Variants in SPTY2D1 observed in about 807,000 individuals in gnomAD.
SPTY2D1 encodes the protein SPT2 chromatin protein domain containing 1.
In SPTY2D1, 21 loss-of-function variants were observed where a neutral mutation model predicts 64.0. The observed-to-expected ratio is 0.33, with a 90% CI of 0.23 to 0.47. The LOEUF (loss-of-function observed/expected upper bound fraction) is 0.47, where lower values mean the gene tolerates loss of function less well. Ranked by LOEUF, SPTY2D1 falls within the 20% of genes least tolerant of loss-of-function variation. SPTY2D1 has a pLI of 1.00. For missense variants in SPTY2D1, 724 were observed against 837.2 expected (o/e 0.86, Z 1.67); for synonymous variants, 287 against 286.8 (o/e 1.00, Z -0.01).
chr11:18,632,703 T>A (rs920096410), intron 1 of SPTY2D1, among the ~76,000 whole-genome samples: 1 of 152,224 alleles, frequency 6.6e-6, no homozygotes, highest in Non-Finnish European at 1.5e-5. Flanking sequence ...ATTCCAATCA[T>A]AGATAATGCA....
rs539699189 is a variant in SPTY2D1 at position 18,622,726 on chromosome 11, C to T, written c.61-5737G>A. 7.2e-5 allele frequency among the ~76,000 whole-genome samples: 11 copies of T among 152,084 alleles called. No homozygotes were observed. In the South Asian group the frequency reaches 2.1e-3, roughly 29 times the overall value. On this transcript the variant is annotated intron_variant, in intron 1 of 5. Transcript: ENST00000336349. ...CTGCACTTCGGGAGGCTGAGGCGGG[C>T]AGATCACCTGAGGTCAGGAGTTCGA... is the stretch of plus-strand genomic sequence containing the variant.
intron 1 of SPTY2D1, among the ~76,000 whole-genome samples, chr11:18,631,602 CAAA>C (rs10617150): frequency 2.8e-4 from 32 of 116,324 alleles, no homozygotes; most frequent in African/African-American, 9.6e-4. Context: ...AAATAGATAA[CAAA>C]AAAAAAAAAA....
intron 5 of SPTY2D1, 60 bp from the exon 6 acceptor site, chr11:18,610,014 A>G: frequency 6.8e-7 from 1 of 1,474,856 alleles, no homozygotes; most frequent in Non-Finnish European, 9.4e-7. Context: ...CTTTCCTTAA[A>G]AAGAATGAAA....
intron 1 of SPTY2D1, among the ~76,000 whole-genome samples, chr11:18,633,823 T>C (rs1854625568): frequency 6.6e-6 from 1 of 152,142 alleles, no homozygotes; most frequent in Admixed American, 6.5e-5. Context: ...CTCCCTTACA[T>C]ACATATTTCC....
rs1389523777 is a variant in SPTY2D1 at position 18,612,230 on chromosome 11, C to T, written c.1886+84G>A. On this transcript the variant is annotated intron_variant, in intron 4 of 5. Coordinates refer to ENST00000336349, the MANE Select transcript of SPTY2D1 (RefSeq NM_194285.3). This position sits in a 1 kb window ranked among gnomAD's most constrained non-coding sequence, Gnocchi z 4.6. ...AATTAAGAATTGTATTCAGTGCCTC[C>T]ACTATTAGTTTATTACCCCATGACA... The T allele has an allele frequency of 1.3e-5, 14 of 1,095,600 alleles. No homozygotes were observed. Among genetic ancestry groups the T allele is most frequent in the Non-Finnish European group, 1.8e-5 (14 of 784,180 alleles). 67.9% of individuals were successfully genotyped at this position (1,095,600 alleles called of 1,614,324 possible).
chr11:18,613,609 G>A (rs1300819833), intron 3 of SPTY2D1, among the ~76,000 whole-genome samples: 1 of 152,158 alleles, frequency 6.6e-6, no homozygotes, highest in Admixed American at 6.5e-5. Flanking sequence ...GGGCAAAATT[G>A]CCCTTGTTAA....
At chr11:18,629,971 C>T (rs1369111095) in intron 1 of SPTY2D1, among the ~76,000 whole-genome samples, 2 of 151,296 alleles carry the variant, frequency 1.3e-5, no homozygotes, top group East Asian at 3.9e-4. Context: ...GAGATCGAGA[C>T]CATCCTGGCC....
At chr11:18,633,142 C>CT (rs5790043) in intron 1 of SPTY2D1, among the ~76,000 whole-genome samples, 84,930 of 151,752 alleles carry the variant, frequency 0.56, 27,713 homozygotes, top group Middle Eastern at 0.75. Flanking sequence ...AAATATAGAC[C>CT]TTTTTCAGAT....
In SPTY2D1 at chr11:18,615,995, G is replaced by T; in HGVS notation, c.279C>A (p.Phe93Leu). Reference protein sequence around the residue: ...RAMAKRTKDNFHGYNGIPIEE... With the variant: ...RAMAKRTKDNLHGYNGIPIEE... Reference sequence around the variant, plus strand: ...CAATAGGAATCCCATTGTAACCATGGAAATTATCCTTTGTCCTCTTGGCCA... The same window carrying T: ...CAATAGGAATCCCATTGTAACCATGTAAATTATCCTTTGTCCTCTTGGCCA... The change falls in exon 3 of 6, where the codon TTC (phenylalanine) becomes TTA (leucine). Residue 93 changes from phenylalanine to leucine, a missense_variant. Around this residue, in one of 3 missense-constraint regions of SPTY2D1, gnomAD observed 179 missense variants for 232.5 expected, o/e 0.77. Coordinates refer to ENST00000336349, the MANE Select transcript of SPTY2D1 (RefSeq NM_194285.3). The T allele has an allele frequency of 6.2e-7, 1 of 1,614,138 alleles. No homozygotes were observed.
Position 18,634,271 on chromosome 11 carries a change from G to A in SPTY2D1, c.-14C>T, listed in dbSNP as rs11539384. ...TCTGAAGTCCATGTTGGGCCGAGGC[G>A]GGAGAGACTGGGCCAGGCACTCGGA... On this transcript the variant is annotated 5_prime_UTR_variant, in exon 1 of 6. Transcript: ENST00000336349. The A allele has an allele frequency of 1.1e-5, 18 of 1,613,858 alleles. No individual in the cohort carries two copies. The highest frequency in any genetic ancestry group is 1.4e-5 in the Non-Finnish European group (17 of 1,179,976).
intron 1 of SPTY2D1, among the ~76,000 whole-genome samples, chr11:18,618,344 AC>A (rs1355750712): frequency 2.0e-5 from 3 of 152,238 alleles, no homozygotes; most frequent in African/African-American, 7.2e-5. Flanking sequence ...AAAAAAGCTT[AC>A]ATTATCCTGG....
chr11:18,628,527 A>C (rs1854534628), intron 1 of SPTY2D1, among the ~76,000 whole-genome samples: 1 of 152,142 alleles, frequency 6.6e-6, no homozygotes. Flanking sequence ...GCTGGATTAC[A>C]TTATATTCTA....
chr11:18,614,312 C>T (rs1854252223), intron 3 of SPTY2D1, among the ~76,000 whole-genome samples: 1 of 152,040 alleles, frequency 6.6e-6, no homozygotes, highest in Admixed American at 6.5e-5. Context: ...GTCCCAGCTA[C>T]CTGGGAAGCT....
At chr11:18,629,304 C>A (rs1181228374) in intron 1 of SPTY2D1, among the ~76,000 whole-genome samples, 1 of 129,200 alleles carries the variant, frequency 7.7e-6, no homozygotes, top group Non-Finnish European at 1.6e-5. Flanking sequence ...AGTTCGAGAC[C>A]AGCCTGGCCA....
rs71050618 is a variant in SPTY2D1 at position 18,622,101 on chromosome 11, A to AAAAAAAAAAAAAAAAAAAC, written c.61-5113_61-5112insGTTTTTTTTTTTTTTTTTT. ...GACCCTATCTCAAAAAAAAAAAAAA[A>AAAAAAAAAAAAAAAAAAAC]AAACCAAAACCAAAACCAAAAAAAC... On this transcript the variant is annotated intron_variant, in intron 1 of 5. Coordinates refer to ENST00000336349, the MANE Select transcript of SPTY2D1 (RefSeq NM_194285.3). Among the ~76,000 whole-genome samples the AAAAAAAAAAAAAAAAAAAC allele has an allele frequency of 1.1e-3, 89 of 81,372 alleles. 15 individuals are homozygous for AAAAAAAAAAAAAAAAAAAC. Among genetic ancestry groups the AAAAAAAAAAAAAAAAAAAC allele is most frequent in the Non-Finnish European group, 1.8e-3 (61 of 34,826 alleles). 53.4% of individuals were successfully genotyped at this position (81,372 alleles called of 152,430 possible).
chr11:18,627,514 G>A (rs1005562740), intron 1 of SPTY2D1, among the ~76,000 whole-genome samples: 6 of 152,016 alleles, frequency 3.9e-5, no homozygotes, highest in Non-Finnish European at 7.4e-5. Context: ...AGGCCAAGGC[G>A]GGTGGATCAC....
chr11:18,629,025 G>A lies in SPTY2D1; in HGVS notation c.60+5173C>T, dbSNP rs137855193. Among the ~76,000 whole-genome samples, 93 of 152,214 alleles carry A rather than the reference G, an allele frequency of 6.1e-4. No individual in the cohort carries two copies. In the East Asian group the frequency reaches 0.017, roughly 28 times the overall value. ...ACTACCTATGGTTCTTATCCTTAAG[G>A]GGCTATAGGCAGACCCCCAAATTCT... is the stretch of plus-strand genomic sequence containing the variant. On this transcript the variant is annotated intron_variant, in intron 1 of 5. Coordinates refer to ENST00000336349, the MANE Select transcript of SPTY2D1 (RefSeq NM_194285.3).
Position 18,615,803 on chromosome 11 carries a change from C to T in SPTY2D1, c.471G>A (p.Lys157=), listed in dbSNP as rs745799887. The T allele has an allele frequency of 4.3e-6, 7 of 1,613,874 alleles. No homozygotes were observed. Among genetic ancestry groups the T allele is most frequent in the Non-Finnish European group, 5.9e-6 (7 of 1,180,002 alleles). ...QEPPKVESKP[K]VPLKSAPPPM... is the part of the protein sequence containing the mutation. Reference sequence around the variant, plus strand: ...GTGGTGGGGCACTTTTAAGGGGGACCTTTGGTTTGCTTTCAACTTTGGGAG... The same window carrying T: ...GTGGTGGGGCACTTTTAAGGGGGACTTTTGGTTTGCTTTCAACTTTGGGAG... The change falls in exon 3 of 6, where the codon AAG becomes AAA. Residue 157 remains lysine (K), a synonymous_variant. Coordinates refer to ENST00000336349, the MANE Select transcript of SPTY2D1 (RefSeq NM_194285.3).
intron 1 of SPTY2D1, 22 bp from the exon 2 acceptor site, chr11:18,617,011 G>C (rs755303209): frequency 4.2e-5 from 68 of 1,603,170 alleles, no homozygotes; most frequent in Non-Finnish European, 5.2e-5. Context: ...AACAGTAAAA[G>C]TTAGAAGCAA....
Sources: gnomAD v4.1 joint callset for allele counts (sites outside exome capture counted in the v4.1 genomes callset) on GRCh38, gnomAD v4.1.1 for gene constraint, gnomAD v4.1.1 regional missense constraint, Gnocchi (gnomAD v3.1) non-coding constraint, MANE v1.5 for transcripts, NCBI Gene and HGNC (gene_info 2026-07-23, HGNC 2026-07-21) for gene names.